The following USP24 variants were observed in gnomAD, a reference collection of about 807,000 sequenced individuals.
USP24 encodes the protein ubiquitin carboxyl-terminal hydrolase 24.
Under a neutral mutation model 361.6 loss-of-function variants are expected in USP24, and 97 were observed. The observed-to-expected ratio is 0.27, with a 90% confidence interval of 0.23 to 0.32. The LOEUF (loss-of-function observed/expected upper bound fraction) is 0.32, where lower values mean the gene tolerates loss of function less well. USP24 is among the 10% of genes least tolerant of loss of function. The probability of loss-of-function intolerance (pLI) is 1.00; values close to 1 mark genes in which losing one functional copy is unlikely to be tolerated. For synonymous variants in USP24, 1,098 were observed against 1,124.6 expected, an observed-to-expected ratio of 0.98 and a Z score of 0.47; for missense variants, 2,353 against 3,165.6, an observed-to-expected ratio of 0.74 and a Z score of 6.16.
chr1:55,069,224 A>G, intron 67 of USP24, 117 bp from the exon 68 acceptor site: 1 of 916,234 alleles, frequency 1.1e-6, no homozygotes, highest in Non-Finnish European at 1.7e-6. Context: ...AATGTTTATC[A>G]AAGGGTAATA....
chr1:55,145,717 A>T (rs951343668), intron 20 of USP24, among the ~76,000 whole-genome samples: 1 of 152,196 alleles, frequency 6.6e-6, no homozygotes, highest in Non-Finnish European at 1.5e-5. Flanking sequence ...CTATACCTTG[A>T]TACATTTTTA....
intron 1 of USP24, among the ~76,000 whole-genome samples, chr1:55,195,200 A>G (rs1180056032): frequency 6.6e-6 from 1 of 152,186 alleles, no homozygotes; most frequent in Non-Finnish European, 1.5e-5. Flanking sequence ...ACAATCCATC[A>G]CAATATATGG....
At chr1:55,125,042 A>G (rs1211587715) in intron 34 of USP24, among the ~76,000 whole-genome samples, 2 of 152,192 alleles carry the variant, frequency 1.3e-5, no homozygotes, top group African/African-American at 4.8e-5. Flanking sequence ...AATGCCATCT[A>G]TAACATAAAA....
chr1:55,151,571 T>C (rs913181510), intron 16 of USP24, among the ~76,000 whole-genome samples: 1 of 152,072 alleles, frequency 6.6e-6, no homozygotes. Flanking sequence ...GCAGTACAAC[T>C]AACTGAGGAA....
intron 1 of USP24, among the ~76,000 whole-genome samples, chr1:55,180,499 C>A (rs898457657): frequency 6.6e-6 from 1 of 152,302 alleles, no homozygotes; most frequent in Non-Finnish European, 1.5e-5. Context: ...ATCAAGTCAT[C>A]CCCAGACTTA....
intron 28 of USP24, among the ~76,000 whole-genome samples, chr1:55,137,223 A>T (rs1006325284): frequency 6.6e-6 from 1 of 152,208 alleles, no homozygotes; most frequent in Admixed American, 6.5e-5. Context: ...TGACAGACCA[A>T]CTTGAAAAGA....
chr1:55,100,172 A>G lies in USP24; in HGVS notation c.5272-303T>C, dbSNP rs558143176. On this transcript the variant is annotated intron_variant, in intron 44 of 67. Coordinates refer to ENST00000294383, the MANE Select transcript of USP24 (RefSeq NM_015306.3). ...GGGAAAAACACAAGGTGATCCTCCA[A>G]TATGTGAAACACAGTAAAGCAATGT... is the stretch of plus-strand genomic sequence containing the variant. Among the ~76,000 whole-genome samples, 14 of 152,342 alleles carry G rather than the reference A, an allele frequency of 9.2e-5. No individual in the cohort carries two copies. The South Asian group carries it at 2.7e-3, about 29-fold the overall frequency.
At chr1:55,151,477 A>G (rs1047387942) in intron 16 of USP24, among the ~76,000 whole-genome samples, 1 of 152,188 alleles carries the variant, frequency 6.6e-6, no homozygotes, top group Non-Finnish European at 1.5e-5. Context: ...AAGGGGAGGA[A>G]GTAAGAGGAA....
intron 1 of USP24, among the ~76,000 whole-genome samples, chr1:55,212,618 T>C (rs1302792832): frequency 6.6e-6 from 1 of 152,202 alleles, no homozygotes; most frequent in East Asian, 1.9e-4. Flanking sequence ...AGAAGTTCCA[T>C]AGGTGGCATG....
intron 1 of USP24, among the ~76,000 whole-genome samples, chr1:55,208,274 A>G (rs1644761240): frequency 6.6e-6 from 1 of 152,214 alleles, no homozygotes. Flanking sequence ...TAAACATACT[A>G]TAAAAACAAA....
chr1:55,132,254 T>C (rs1646614798), intron 31 of USP24, among the ~76,000 whole-genome samples: 1 of 152,152 alleles, frequency 6.6e-6, no homozygotes, highest in Non-Finnish European at 1.5e-5. Flanking sequence ...GGTGCCTTGA[T>C]CTTGGACTCC....
chr1:55,088,483 A>G (rs544874229), intron 55 of USP24, among the ~76,000 whole-genome samples: 41 of 152,350 alleles, frequency 2.7e-4, no homozygotes, highest in African/African-American at 9.4e-4. Flanking sequence ...GAAGGTGTGC[A>G]CATGTAGAGA....
chr1:55,210,967 A>G lies in USP24; in HGVS notation c.324+3823T>C, dbSNP rs574909815. On this transcript the variant is annotated intron_variant, in intron 1 of 67. Transcript: ENST00000294383. The stretch of plus-strand genomic sequence containing the variant: ...TTTTCTAAAGACAAACTTAATGAAT[A>G]AGGTATTCATTATAGTATTAATGTT... Among the ~76,000 whole-genome samples the G allele has an allele frequency of 3.9e-5, 6 of 152,352 alleles. No individual in the cohort carries two copies. The South Asian group carries it at 1.2e-3, about 32-fold the overall frequency.
chr1:55,100,993 G>A, intron 43 of USP24, 29 bp from the exon 44 acceptor site: 1 of 1,601,054 alleles, frequency 6.2e-7, no homozygotes, highest in Non-Finnish European at 8.5e-7. Flanking sequence ...TATCAAGCTT[G>A]AAATATTTAA....
At chr1:55,182,050 TTTTTTA>T (rs1362737739) in intron 1 of USP24, among the ~76,000 whole-genome samples, 1 of 152,154 alleles carries the variant, frequency 6.6e-6, no homozygotes, top group African/African-American at 2.4e-5. Context: ...TAATGACTTC[TTTTTTA>T]TTTTTATTTT....
chr1:55,101,462 TA>T, intron 43 of USP24, 121 bp downstream of exon 43: 1 of 1,359,900 alleles, frequency 7.4e-7, no homozygotes, highest in Non-Finnish European at 1.0e-6. Flanking sequence ...CAGGAGCTAC[TA>T]AAGAATTGCA....
chr1:55,137,748 G>A, intron 27 of USP24, 58 bp downstream of exon 27: 1 of 1,555,842 alleles, frequency 6.4e-7, no homozygotes, highest in South Asian at 1.2e-5. Context: ...ATTCATATCA[G>A]GCTAAATATT....
intron 7 of USP24, among the ~76,000 whole-genome samples, chr1:55,164,674 T>C (rs74492184): frequency 0.025 from 3,757 of 152,188 alleles, 57 homozygotes; most frequent in Non-Finnish European, 0.037. Context: ...TCTGACCTTA[T>C]GGAAAAATCT....
intron 1 of USP24, among the ~76,000 whole-genome samples, chr1:55,194,643 T>C (rs1306902440): frequency 6.6e-6 from 1 of 152,008 alleles, no homozygotes; most frequent in African/African-American, 2.4e-5. Flanking sequence ...GTCCACTCCT[T>C]AGGCTTCAGA....
Sources: gnomAD v4.1 joint callset for allele counts (sites outside exome capture counted in the v4.1 genomes callset) on GRCh38, gnomAD v4.1.1 for gene constraint, MANE v1.5 for transcripts, NCBI Gene and HGNC (gene_info 2026-07-23, HGNC 2026-07-21) for gene names.